SLC39A11: variants seen among roughly 807,000 people sequenced by gnomAD.
The protein encoded by SLC39A11 is solute carrier family 39 member 11.
SLC39A11 carries 33 observed loss-of-function variants against 36.1 expected under a neutral mutation model. The observed-to-expected ratio is 0.91, with a 90% CI of 0.69 to 1.22. The LOEUF (loss-of-function observed/expected upper bound fraction) is 1.22, where lower values mean the gene tolerates loss of function less well. Among genes scored for constraint, SLC39A11 ranks in the 50% most tolerant of loss-of-function variants. SLC39A11 has a pLI of 0.00. For missense variants in SLC39A11, 432 were observed against 430.3 expected (o/e 1.00, Z -0.03); for synonymous variants, 166 against 170.3 (o/e 0.97, Z 0.20).
At chr17:72,768,980 T>C (rs1248587432) in intron 6 of SLC39A11, among the ~76,000 whole-genome samples, 2 of 152,162 alleles carry the variant, frequency 1.3e-5, no homozygotes, top group African/African-American at 4.8e-5. Context: ...CAGGATGGTC[T>C]CAATCTCCTG....
intron 7 of SLC39A11, among the ~76,000 whole-genome samples, chr17:72,653,168 G>A (rs1271643673): frequency 1.3e-5 from 2 of 149,644 alleles, no homozygotes; most frequent in East Asian, 2.0e-4. Flanking sequence ...GCACTGGCAC[G>A]ATCTCAGCTC....
intron 7 of SLC39A11, among the ~76,000 whole-genome samples, chr17:72,732,208 G>T (rs578144178): frequency 6.6e-6 from 1 of 151,824 alleles, no homozygotes; most frequent in East Asian, 1.9e-4. Flanking sequence ...GTAGGGATGG[G>T]AGGGTTTTGT....
intron 6 of SLC39A11, among the ~76,000 whole-genome samples, chr17:72,798,648 G>A (rs914802208): frequency 3.3e-5 from 5 of 151,792 alleles, no homozygotes; most frequent in African/African-American, 1.2e-4. Context: ...GTCTCCCAAA[G>A]TGCTGGGATT....
intron 6 of SLC39A11, among the ~76,000 whole-genome samples, chr17:72,800,303 ATTT>A (rs34172959): frequency 0.054 from 4,898 of 90,362 alleles, 187 homozygotes; most frequent in African/African-American, 0.14. Context: ...ACCTACAATA[ATTT>A]TTTTTTTTTT....
At chr17:72,650,684 A>G (rs1476476769) in intron 7 of SLC39A11, among the ~76,000 whole-genome samples, 4 of 152,136 alleles carry the variant, frequency 2.6e-5, no homozygotes, top group Non-Finnish European at 5.9e-5. Context: ...GCCCGAGGGA[A>G]TTGTGGGTAG....
chr17:72,977,007 G>A (rs1443390342), intron 4 of SLC39A11, among the ~76,000 whole-genome samples: 4 of 152,090 alleles, frequency 2.6e-5, no homozygotes, highest in South Asian at 4.1e-4. Flanking sequence ...ACTATGACAC[G>A]CCATCAGTAC....
At chr17:73,073,247 A>G (rs2060218449) in intron 3 of SLC39A11, among the ~76,000 whole-genome samples, 1 of 152,216 alleles carries the variant, frequency 6.6e-6, no homozygotes, top group South Asian at 2.1e-4. Flanking sequence ...TACCCCAATT[A>G]TGAGAGTGTG....
At chr17:73,067,838 T>A in intron 3 of SLC39A11, 1 of 1,582,916 alleles carries the variant, frequency 6.3e-7, no homozygotes, top group Non-Finnish European at 8.7e-7. Flanking sequence ...AAAATCCATT[T>A]AATGTAGCAA....
intron 7 of SLC39A11, among the ~76,000 whole-genome samples, chr17:72,662,304 G>T: frequency 7.0e-6 from 1 of 143,774 alleles, no homozygotes; most frequent in South Asian, 2.2e-4. Flanking sequence ...AAAGAGGAAA[G>T]GAAGAAAGAA....
At chr17:72,920,642 C>T (rs1305009875) in intron 5 of SLC39A11, among the ~76,000 whole-genome samples, 1 of 146,706 alleles carries the variant, frequency 6.8e-6, no homozygotes. Flanking sequence ...ACCTCCTACC[C>T]CCTTACACCA....
At chr17:72,866,220 A>G (rs2080295001) in intron 5 of SLC39A11, among the ~76,000 whole-genome samples, 1 of 152,254 alleles carries the variant, frequency 6.6e-6, no homozygotes, top group South Asian at 2.1e-4. Flanking sequence ...CACGAACCAT[A>G]TTGTGAACTG....
intron 3 of SLC39A11, among the ~76,000 whole-genome samples, chr17:73,060,614 G>C (rs2059812212): frequency 6.6e-6 from 1 of 152,126 alleles, no homozygotes; most frequent in Non-Finnish European, 1.5e-5. Flanking sequence ...TGGGCCCTGA[G>C]AAAGCCTCAA....
At chr17:72,897,051 T>G (rs1345754721) in intron 5 of SLC39A11, among the ~76,000 whole-genome samples, 1 of 17,578 alleles carries the variant, frequency 5.7e-5, no homozygotes, top group Non-Finnish European at 8.1e-5. Context: ...AGACTCTGTC[T>G]CAAAAAAAAA....
Position 72,649,338 on chromosome 17 carries a change from C to T in SLC39A11, c.672-70G>A, listed in dbSNP as rs569437889. 3.3e-4 allele frequency: 475 copies of T among 1,432,536 alleles called. 1 individual carries two copies. The African/African-American group carries it at 5.8e-3, about 17-fold the overall frequency. The allele number at this position is 1,432,536 out of a possible 1,614,324, so 88.7% of individuals were successfully genotyped here. A position where few individuals can be genotyped will look rare whatever the true frequency, so the allele number is the denominator to read the frequency against. ...TGCTCACACAATGGGAGTCCCTGGC[C>T]GAGGCCAAGACCTCCGTGGGTGCTA... On this transcript the variant is annotated intron_variant, in intron 7 of 9. Transcript: ENST00000255559.
chr17:73,024,794 T>C (rs907952295), intron 4 of SLC39A11, among the ~76,000 whole-genome samples: 2 of 151,402 alleles, frequency 1.3e-5, no homozygotes, highest in African/African-American at 4.8e-5. Flanking sequence ...GCCTCTTAGG[T>C]TCAAGGGATT....
At position 72,900,136 on chromosome 17, in the gene SLC39A11, A is replaced by C. The variant is rs1221088129; in HGVS notation, c.430+47616T>G. Among the ~76,000 whole-genome samples, 3 of 93,692 alleles carry C rather than the reference A, an allele frequency of 3.2e-5. No individual in the cohort carries two copies. In the Admixed American group the frequency reaches 3.2e-4, roughly 10 times the overall value. 61.5% of individuals were successfully genotyped at this position (93,692 alleles called of 152,430 possible). ...AAGAAAGAAAGAAAAGAAAGAAAGA[A>C]AGAAAAAGAAAGAAAGAAAAGAAAG... On this transcript the variant is annotated intron_variant, in intron 5 of 9. Transcript: ENST00000255559.
chr17:72,723,615 G>A (rs1408760435), intron 7 of SLC39A11, among the ~76,000 whole-genome samples: 2 of 152,154 alleles, frequency 1.3e-5, no homozygotes, highest in Admixed American at 6.5e-5. Context: ...CATTTTTGAG[G>A]TGATACATTT....
intron 3 of SLC39A11, among the ~76,000 whole-genome samples, chr17:73,070,743 T>C (rs1036736436): frequency 6.6e-6 from 1 of 152,142 alleles, no homozygotes; most frequent in East Asian, 1.9e-4. Flanking sequence ...CTTCTCATGA[T>C]AGTAAGTCTC....
At chr17:72,742,069 G>A (rs991766378) in intron 6 of SLC39A11, among the ~76,000 whole-genome samples, 19 of 152,202 alleles carry the variant, frequency 1.2e-4, no homozygotes, top group Admixed American at 1.0e-3. Flanking sequence ...TGGGCATGGT[G>A]GCTCACATCT....
Sources: allele counts gnomAD v4.1 joint callset (sites outside exome capture counted in the v4.1 genomes callset), GRCh38; gene constraint gnomAD v4.1.1; transcripts MANE v1.5; gene names NCBI Gene and HGNC (gene_info 2026-07-23, HGNC 2026-07-21).